Variants in UVRAG observed in about 807,000 individuals in gnomAD.
UVRAG encodes the protein UV radiation resistance-associated gene protein.
Under a neutral mutation model 78.0 loss-of-function variants are expected in UVRAG, and 19 were observed. The ratio of observed to expected loss-of-function variants is 0.24; its 90% CI spans 0.17 to 0.36. UVRAG has a LOEUF of 0.36. Ranked by LOEUF, UVRAG falls within the 10% of genes least tolerant of loss-of-function variation. The pLI, the probability that UVRAG is intolerant of heterozygous loss-of-function variation, is 1.00. For synonymous variants in UVRAG, 323 were observed against 324.6 expected (o/e 1.00, Z 0.05); for missense variants, 740 against 853.8 (o/e 0.87, Z 1.66).
At chr11:76,093,893 A>G (rs1262265326) in intron 13 of UVRAG, among the ~76,000 whole-genome samples, 1 of 152,156 alleles carries the variant, frequency 6.6e-6, no homozygotes, top group African/African-American at 2.4e-5. Context: ...TTCTAACACT[A>G]TATTGAATAG....
intron 11 of UVRAG, among the ~76,000 whole-genome samples, chr11:76,016,321 A>G (rs890861201): frequency 6.6e-6 from 1 of 152,194 alleles, no homozygotes; most frequent in African/African-American, 2.4e-5. Context: ...TATCAAGAAC[A>G]TACCCCATAA....
In UVRAG at chr11:75,955,357, A is replaced by C. The variant is rs145861608; in HGVS notation, c.594-6087A>C. Among the ~76,000 whole-genome samples, 255 of 152,334 alleles carry C rather than the reference A, an allele frequency of 1.7e-3. 1 individual carries two copies. The highest frequency in any genetic ancestry group is 5.9e-3 in the African/African-American group (246 of 41,580). ...TTATGTGACCTAAGAAATCATCAAT[A>C]AATATCAGGCAATTTCTAAAAGTAA... On this transcript the variant is annotated intron_variant, in intron 6 of 14. Coordinates refer to ENST00000356136, the MANE Select transcript of UVRAG (RefSeq NM_003369.4).
chr11:76,132,895 G>A (rs565970540), intron 14 of UVRAG, among the ~76,000 whole-genome samples: 2 of 152,314 alleles, frequency 1.3e-5, no homozygotes, highest in East Asian at 3.9e-4. Context: ...AAAAACTTAA[G>A]ATCCTAGGGA....
chr11:75,916,916 A>T (rs1947869001), intron 6 of UVRAG: 1 of 152,240 alleles, frequency 6.6e-6, no homozygotes, highest in South Asian at 2.1e-4. Flanking sequence ...GTCCATCAGA[A>T]TTCAGAGTCT....
At chr11:75,999,102 G>A (rs539242896) in intron 8 of UVRAG, among the ~76,000 whole-genome samples, 16 of 151,870 alleles carry the variant, frequency 1.1e-4, no homozygotes, top group Admixed American at 9.8e-4. Context: ...ACATGGTGGC[G>A]GGTGCCTGTA....
chr11:75,876,502 T>C (rs1946782824), intron 3 of UVRAG, among the ~76,000 whole-genome samples: 1 of 152,218 alleles, frequency 6.6e-6, no homozygotes, highest in African/African-American at 2.4e-5. Flanking sequence ...CTAAAACAGT[T>C]ATAGTGAGAT....
At chr11:76,101,673 G>A (rs1951882150) in intron 13 of UVRAG, among the ~76,000 whole-genome samples, 1 of 152,082 alleles carries the variant, frequency 6.6e-6, no homozygotes, top group African/African-American at 2.4e-5. Flanking sequence ...GTCCAGAATG[G>A]TATTGCCTAG....
At chr11:76,090,126 A>G (rs903772678) in intron 13 of UVRAG, among the ~76,000 whole-genome samples, 2 of 152,150 alleles carry the variant, frequency 1.3e-5, no homozygotes, top group South Asian at 2.1e-4. Flanking sequence ...TTATGTTTCA[A>G]ATGCAGCAAC....
intron 13 of UVRAG, among the ~76,000 whole-genome samples, chr11:76,093,279 AG>A (rs934707605): frequency 1.3e-5 from 2 of 152,116 alleles, no homozygotes; most frequent in African/African-American, 4.8e-5. Flanking sequence ...TGTAGTTTGG[AG>A]TCAGGTAGCG....
In UVRAG at chr11:76,140,917, C is replaced by A; in HGVS notation, c.1604C>A (p.Pro535His). 6.2e-7 allele frequency: 1 copy of A among 1,614,182 alleles called. No homozygotes were observed. Among genetic ancestry groups the A allele is most frequent in the Non-Finnish European group, 8.5e-7 (1 of 1,180,032 alleles). Residue 535 changes from proline to histidine, a missense_variant, in exon 15 of 15, where the codon CCC (proline) becomes CAC (histidine). Physicochemically the swap from Pro to His is moderately conservative, Grantham distance 77. Coordinates refer to ENST00000356136, the MANE Select transcript of UVRAG (RefSeq NM_003369.4). ...SALAQPVTTV[P>H]SMGETERKIT... ...TTAGCCCAGCCTGTGACCACCGTCC[C>A]CTCCATGGGAGAGACCGAGAGAAAG... is the stretch of plus-strand genomic sequence containing the variant.
intron 5 of UVRAG, among the ~76,000 whole-genome samples, chr11:75,893,155 G>A (rs1947256721): frequency 6.6e-6 from 1 of 151,182 alleles, no homozygotes; most frequent in East Asian, 1.9e-4. Context: ...CCAGCCTGGA[G>A]GCCAGAGCAA....
chr11:75,827,613 A>AAAACAAAC (rs111842552), intron 1 of UVRAG, among the ~76,000 whole-genome samples: 32 of 151,848 alleles, frequency 2.1e-4, no homozygotes, highest in African/African-American at 7.5e-4. Flanking sequence ...CTCCGTCTCA[A>AAAACAAAC]AAACAAACAA....
At chr11:75,988,992 C>T (rs1231608424) in intron 8 of UVRAG, among the ~76,000 whole-genome samples, 1 of 151,970 alleles carries the variant, frequency 6.6e-6, no homozygotes, top group African/African-American at 2.4e-5. Flanking sequence ...CAAATATACG[C>T]TTTATATGTT....
At chr11:75,845,249 A>G (rs1045692043) in intron 1 of UVRAG, among the ~76,000 whole-genome samples, 8 of 152,244 alleles carry the variant, frequency 5.3e-5, no homozygotes, top group African/African-American at 1.9e-4. Context: ...AAAATCCCCT[A>G]TTCAGCTCTG....
chr11:76,050,872 T>C (rs1395784073), intron 12 of UVRAG, among the ~76,000 whole-genome samples: 7 of 152,212 alleles, frequency 4.6e-5, no homozygotes, highest in Non-Finnish European at 1.0e-4. Flanking sequence ...TAGCATGTTC[T>C]AGTTCATACC....
At chr11:75,932,261 TG>T (rs2135109055) in intron 6 of UVRAG, among the ~76,000 whole-genome samples, 1 of 150,292 alleles carries the variant, frequency 6.7e-6, no homozygotes, top group African/African-American at 2.4e-5. Context: ...GCAGATTATA[TG>T]ATCTTTATTT....
At chr11:75,965,423 T>C (rs776633649) in intron 7 of UVRAG, among the ~76,000 whole-genome samples, 12 of 152,220 alleles carry the variant, frequency 7.9e-5, no homozygotes, top group Non-Finnish European at 1.8e-4. Context: ...ACCATTCTCC[T>C]GCCTCAGCCT....
chr11:75,982,537 G>A (rs906306367), intron 7 of UVRAG, among the ~76,000 whole-genome samples: 2 of 152,286 alleles, frequency 1.3e-5, no homozygotes, highest in African/African-American at 4.8e-5. Context: ...AGACAGGTGG[G>A]TGGTAAAAGT....
intron 13 of UVRAG, among the ~76,000 whole-genome samples, chr11:76,075,050 T>C (rs1470638007): frequency 6.6e-6 from 1 of 152,204 alleles, no homozygotes; most frequent in Admixed American, 6.5e-5. Context: ...TGCCAGCTTC[T>C]ACCCAGCAGC....
Sources: allele counts gnomAD v4.1 joint callset (sites outside exome capture counted in the v4.1 genomes callset), GRCh38; gene constraint gnomAD v4.1.1; transcripts MANE v1.5; gene names NCBI Gene and HGNC (gene_info 2026-07-23, HGNC 2026-07-21).